Variants in FAM135B observed in about 807,000 individuals in gnomAD.
FAM135B encodes the protein family with sequence similarity 135 member B.
FAM135B carries 43 observed loss-of-function variants against 127.7 expected under a neutral mutation model. That is an observed-to-expected ratio of 0.34 (90% CI 0.26 to 0.43). FAM135B has a LOEUF of 0.43. FAM135B is among the 20% of genes least tolerant of loss of function. The pLI is 1.00. For missense variants in FAM135B, 1,558 were observed against 1,725.6 expected (o/e 0.90, Z 1.72); for synonymous variants, 670 against 665.1 (o/e 1.01, Z -0.11).
intron 2 of FAM135B, among the ~76,000 whole-genome samples, chr8:138,355,345 T>G (rs1237514429): frequency 6.6e-6 from 1 of 152,102 alleles, no homozygotes; most frequent in Non-Finnish European, 1.5e-5. Flanking sequence ...ATAGACTGGA[T>G]TAAGAAAATG....
intron 12 of FAM135B, among the ~76,000 whole-genome samples, chr8:138,166,063 C>T (rs1586660821): frequency 1.3e-5 from 2 of 152,156 alleles, no homozygotes; most frequent in African/African-American, 4.8e-5. Context: ...AGGCAGAGCA[C>T]AGACTTTGGA....
At position 138,399,726 on chromosome 8, in the gene FAM135B, C is replaced by T. The variant is rs542499062; in HGVS notation, c.-19-31724G>A. Reference sequence around the variant, plus strand: ...AGTTAATACTAAATAATAGAATGAACAATAGCCCCTACCTAATAACTCCCC... The same window carrying T: ...AGTTAATACTAAATAATAGAATGAATAATAGCCCCTACCTAATAACTCCCC... On this transcript the variant is annotated intron_variant, in intron 1 of 19. Coordinates refer to ENST00000395297, the MANE Select transcript of FAM135B (RefSeq NM_015912.4). 2.0e-5 allele frequency among the ~76,000 whole-genome samples: 3 copies of T among 152,208 alleles called. No individual in the cohort carries two copies. The South Asian group carries it at 6.2e-4, about 32-fold the overall frequency.
At chr8:138,213,798 G>A (rs1162099835) in intron 7 of FAM135B, among the ~76,000 whole-genome samples, 1 of 152,154 alleles carries the variant, frequency 6.6e-6, no homozygotes, top group Non-Finnish European at 1.5e-5. Context: ...AGCTCCGCTA[G>A]GCTGGAACCC....
At chr8:138,343,265 T>C (rs915312636) in intron 2 of FAM135B, among the ~76,000 whole-genome samples, 5 of 152,198 alleles carry the variant, frequency 3.3e-5, no homozygotes, top group Middle Eastern at 3.2e-3. Flanking sequence ...CATGAAGCCT[T>C]GGGTTTCCCA....
chr8:138,397,345 A>C (rs540861900), intron 1 of FAM135B, among the ~76,000 whole-genome samples: 3 of 152,164 alleles, frequency 2.0e-5, no homozygotes, highest in African/African-American at 7.2e-5. Context: ...GGGTAAGCCC[A>C]GGGCCATGGA....
intron 7 of FAM135B, among the ~76,000 whole-genome samples, chr8:138,208,658 A>G (rs1334478024): frequency 6.6e-6 from 1 of 152,242 alleles, no homozygotes; most frequent in Non-Finnish European, 1.5e-5. Flanking sequence ...CTTTGGACAG[A>G]GACTTTGCTG....
rs558402592 is a variant in FAM135B, at chr8:138,470,333, T to C, written c.-20+26338A>G. Among the ~76,000 whole-genome samples, 36 of 152,286 alleles carry C rather than the reference T, an allele frequency of 2.4e-4. No homozygotes were observed. The South Asian group carries it at 7.0e-3, about 30-fold the overall frequency. ...CCATATACACCCATATACACAGACA[T>C]AGATATTATATTCTCTGTACATTTT... On this transcript the variant is annotated intron_variant, in intron 1 of 19. Transcript: ENST00000395297.
chr8:138,457,845 T>C (rs909577456), intron 1 of FAM135B, among the ~76,000 whole-genome samples: 1 of 151,856 alleles, frequency 6.6e-6, no homozygotes, highest in Admixed American at 6.6e-5. Flanking sequence ...GGCGCCCTGA[T>C]GGGCACCTGT....
intron 1 of FAM135B, among the ~76,000 whole-genome samples, chr8:138,475,959 C>A (rs1190255498): frequency 2.0e-5 from 3 of 152,066 alleles, no homozygotes; most frequent in Non-Finnish European, 2.9e-5. Flanking sequence ...TGGAAGCAAC[C>A]AATATGTCCT....
intron 1 of FAM135B, among the ~76,000 whole-genome samples, chr8:138,467,334 C>T (rs561446500): frequency 1.3e-5 from 2 of 152,234 alleles, no homozygotes; most frequent in African/African-American, 4.8e-5. Flanking sequence ...ATTGAAGGCC[C>T]TCGGCCTGTG....
chr8:138,164,552 C>A (rs1037717591), intron 12 of FAM135B, among the ~76,000 whole-genome samples: 4 of 152,204 alleles, frequency 2.6e-5, no homozygotes, highest in African/African-American at 9.7e-5. Context: ...TCAAAGCTAC[C>A]CCTCTGCTCA....
At chr8:138,231,358 G>T (rs1335884092) in intron 7 of FAM135B, among the ~76,000 whole-genome samples, 2 of 152,072 alleles carry the variant, frequency 1.3e-5, no homozygotes, top group Non-Finnish European at 2.9e-5. Context: ...TAAACTCCGT[G>T]AGAGTAGGGA....
chr8:138,144,121 TA>T (rs1251036807), intron 15 of FAM135B, among the ~76,000 whole-genome samples: 1 of 152,174 alleles, frequency 6.6e-6, no homozygotes, highest in Admixed American at 6.5e-5. Flanking sequence ...AGTGCCATGT[TA>T]AAAATTAGGT....
intron 6 of FAM135B, among the ~76,000 whole-genome samples, chr8:138,247,622 G>T (rs796551651): frequency 1.4e-4 from 21 of 152,244 alleles, no homozygotes; most frequent in African/African-American, 5.1e-4. Context: ...ATAGCAGAGT[G>T]AGAACAGACT....
intron 1 of FAM135B, among the ~76,000 whole-genome samples, chr8:138,430,803 A>T (rs1835152179): frequency 6.6e-6 from 1 of 152,140 alleles, no homozygotes. Flanking sequence ...AATCTACCAG[A>T]ATATAATAAT....
At chr8:138,172,012 A>G (rs775539659) in intron 11 of FAM135B, among the ~76,000 whole-genome samples, 10 of 152,216 alleles carry the variant, frequency 6.6e-5, no homozygotes, top group Non-Finnish European at 1.2e-4. Flanking sequence ...TTATTGCTGC[A>G]TGCACAAGTG....
intron 11 of FAM135B, among the ~76,000 whole-genome samples, chr8:138,175,186 T>C (rs1563729661): frequency 6.6e-6 from 1 of 152,168 alleles, no homozygotes; most frequent in Non-Finnish European, 1.5e-5. Flanking sequence ...GCATTAACCA[T>C]AATTACCACA....
rs1816086545 is a variant in FAM135B at position 138,130,200 on chromosome 8, T to TTA, written c.*2391_*2392dup. 6.7e-6 allele frequency: 1 copy of TTA among 149,414 alleles called. No individual in the cohort carries two copies. The highest frequency in any genetic ancestry group is 2.4e-5 in the African/African-American group (1 of 41,000). 9.3% of individuals were successfully genotyped at this position (149,414 alleles called of 1,614,324 possible). A position where few individuals can be genotyped will look rare whatever the true frequency, so the allele number is the denominator to read the frequency against. On this transcript the variant is annotated 3_prime_UTR_variant, in exon 20 of 20. Transcript: ENST00000395297. Reference sequence around the variant, plus strand: ...TGTCCCTGTTTTACATAATATATATTTATATATATTTTATGTATATATATT... The same window carrying TTA: ...TGTCCCTGTTTTACATAATATATATTTATATATATATTTTATGTATATATATT...
At chr8:138,179,553 T>G (rs547344317) in intron 9 of FAM135B, among the ~76,000 whole-genome samples, 1 of 152,274 alleles carries the variant, frequency 6.6e-6, no homozygotes, top group South Asian at 2.1e-4. Context: ...CATGTCACCT[T>G]CGCATAGTAA....
Sources: gnomAD v4.1 joint callset for allele counts (sites outside exome capture counted in the v4.1 genomes callset) on GRCh38, gnomAD v4.1.1 for gene constraint, MANE v1.5 for transcripts, NCBI Gene and HGNC (gene_info 2026-07-23, HGNC 2026-07-21) for gene names.